SCARB1: variants seen among roughly 807,000 people sequenced by gnomAD.
SCARB1 encodes CD36 and LIMPII analogous 1.
SCARB1 carries 30 observed loss-of-function variants against 57.2 expected under a neutral mutation model. The observed-to-expected ratio is 0.52, with a 90% CI of 0.39 to 0.71. The LOEUF (loss-of-function observed/expected upper bound fraction) is 0.71, where lower values mean the gene tolerates loss of function less well. Among genes scored for constraint, SCARB1 ranks in the 30% least tolerant of loss-of-function variants. SCARB1 has a pLI of 0.00. For missense variants in SCARB1, 543 were observed against 671.2 expected (o/e 0.81, Z 2.11); for synonymous variants, 249 against 268.3 (o/e 0.93, Z 0.70).
intron 1 of SCARB1, among the ~76,000 whole-genome samples, chr12:124,825,408 C>T (rs991507956): frequency 6.6e-6 from 1 of 152,100 alleles, no homozygotes; most frequent in Non-Finnish European, 1.5e-5. Context: ...CGGGGGCTCA[C>T]GCCTGTGATC....
chr12:124,816,730 G>A (rs2135687189), intron 2 of SCARB1, among the ~76,000 whole-genome samples: 1 of 152,204 alleles, frequency 6.6e-6, no homozygotes, highest in South Asian at 2.1e-4. Flanking sequence ...GTTGTAACAG[G>A]CACATCCGCC....
At chr12:124,851,365 C>T (rs1952392638) in intron 1 of SCARB1, among the ~76,000 whole-genome samples, 1 of 152,120 alleles carries the variant, frequency 6.6e-6, no homozygotes, top group East Asian at 1.9e-4. Flanking sequence ...GGAAGAACAG[C>T]AGGGTCACAA....
chr12:124,838,515 T>C (rs1240220855), intron 1 of SCARB1, among the ~76,000 whole-genome samples: 2 of 152,062 alleles, frequency 1.3e-5, no homozygotes, highest in African/African-American at 4.8e-5. Context: ...CAAGGTCTTG[T>C]AAAATAGGGC....
intron 1 of SCARB1, among the ~76,000 whole-genome samples, chr12:124,831,015 A>G (rs7485628): frequency 0.63 from 91,100 of 143,742 alleles, 28,619 homozygotes; most frequent in African/African-American, 0.77. Context: ...TTGCTCTGTC[A>G]CCCAGGCTGG....
At chr12:124,829,682 C>G (rs1951309466) in intron 1 of SCARB1, among the ~76,000 whole-genome samples, 1 of 152,212 alleles carries the variant, frequency 6.6e-6, no homozygotes, top group Non-Finnish European at 1.5e-5. Context: ...CAAAAGTGAG[C>G]CCCTCACTTC....
At chr12:124,856,699 G>T (rs1952644836) in intron 1 of SCARB1, among the ~76,000 whole-genome samples, 1 of 152,210 alleles carries the variant, frequency 6.6e-6, no homozygotes, top group South Asian at 2.1e-4. Context: ...CAAACAAGGG[G>T]GTCCTACAGG....
intron 1 of SCARB1, among the ~76,000 whole-genome samples, chr12:124,838,773 G>A (rs1285445636): frequency 3.9e-5 from 4 of 102,242 alleles, no homozygotes; most frequent in African/African-American, 1.2e-4. Flanking sequence ...TACCAACTTA[G>A]CCTTTTTTTT....
intron 1 of SCARB1, among the ~76,000 whole-genome samples, chr12:124,838,285 T>G (rs527627623): frequency 1.3e-5 from 2 of 152,308 alleles, no homozygotes; most frequent in African/African-American, 4.8e-5. Flanking sequence ...TGGCCTCGGC[T>G]CAGTCAGCCC....
intron 1 of SCARB1, among the ~76,000 whole-genome samples, chr12:124,833,512 T>C (rs1262054079): frequency 6.6e-6 from 1 of 152,084 alleles, no homozygotes; most frequent in Non-Finnish European, 1.5e-5. Context: ...TAATCACGCC[T>C]ACAAAGCCAC....
intron 1 of SCARB1, 83 bp downstream of exon 1, chr12:124,863,512 A>T (rs1952987211): frequency 4.1e-6 from 6 of 1,473,436 alleles, no homozygotes; most frequent in Non-Finnish European, 4.6e-6. Context: ...TCGCCCACCC[A>T]CCGCAACGCG....
chr12:124,799,051 A>G lies in SCARB1; in HGVS notation c.1128+1073T>C, dbSNP rs554884266. Reference sequence around the variant, plus strand: ...CAGTGACTAGAGTGAATAGCAATGTATTGTAAGCTTGAAAGTTGCTGACAG... The same window carrying G: ...CAGTGACTAGAGTGAATAGCAATGTGTTGTAAGCTTGAAAGTTGCTGACAG... On this transcript the variant is annotated intron_variant, in intron 8 of 12. Transcript: ENST00000261693. 6.2e-4 allele frequency among the ~76,000 whole-genome samples: 95 copies of G among 152,302 alleles called. 1 individual carries two copies. The highest frequency in any genetic ancestry group is 2.2e-3 in the African/African-American group (92 of 41,568).
rs538272420 is a variant in SCARB1 at position 124,863,380 on chromosome 12, T to A, written c.126+215A>T. Among the ~76,000 whole-genome samples the A allele has an allele frequency of 1.2e-4, 18 of 151,448 alleles. No individual in the cohort carries two copies. In the South Asian group the frequency reaches 3.6e-3, roughly 31 times the overall value. On this transcript the variant is annotated intron_variant, in intron 1 of 12. Coordinates refer to ENST00000261693, the MANE Select transcript of SCARB1 (RefSeq NM_005505.5). Reference sequence around the variant, plus strand: ...CTGCGCCTCCAGCAAAGCCCCTGGGTTCCCCCCTAGCCTCAGTCTGGGGCG... The same window carrying A: ...CTGCGCCTCCAGCAAAGCCCCTGGGATCCCCCCTAGCCTCAGTCTGGGGCG...
chr12:124,827,002 T>A (rs1307584337), intron 1 of SCARB1, among the ~76,000 whole-genome samples: 1 of 152,200 alleles, frequency 6.6e-6, no homozygotes, highest in African/African-American at 2.4e-5. Flanking sequence ...ATTGTGAACA[T>A]GTTATTTCTT....
rs925483525 is a variant in SCARB1, at chr12:124,778,337, C to T, written c.*250G>A. On this transcript the variant is annotated 3_prime_UTR_variant, in exon 13 of 13. Coordinates refer to ENST00000261693, the MANE Select transcript of SCARB1 (RefSeq NM_005505.5). ...AAGGTTCCAGAACAGTGCTTGTTGA[C>T]GAGCCTCTCCCTACAAGTCCCTTCA... is the stretch of plus-strand genomic sequence containing the variant. 4.5e-5 allele frequency: 43 copies of T among 950,572 alleles called. No individual in the cohort carries two copies. The highest frequency in any genetic ancestry group is 2.9e-4 in the Middle Eastern group (1 of 3,414). 58.9% of individuals were successfully genotyped at this position (950,572 alleles called of 1,614,324 possible).
At chr12:124,781,442 C>T (rs1873450648) in intron 12 of SCARB1, among the ~76,000 whole-genome samples, 1 of 152,176 alleles carries the variant, frequency 6.6e-6, no homozygotes, top group African/African-American at 2.4e-5. Flanking sequence ...AGCGACTCAT[C>T]CCTGCCCAAC....
In SCARB1 at chr12:124,817,711, C is replaced by T. The variant is rs372024707; in HGVS notation, c.127-4G>A. 43 of 1,613,998 alleles carry T rather than the reference C, an allele frequency of 2.7e-5. No homozygotes were observed. In the African/African-American group the frequency reaches 4.8e-4, roughly 18 times the overall value. On this transcript the variant is annotated splice_region_variant and splice_polypyrimidine_tract_variant and intron_variant, in intron 1 of 12. Transcript: ENST00000261693. This position sits in a 1 kb window ranked among gnomAD's most constrained non-coding sequence, Gnocchi z 4.8. ...TACTGGGGTCGATGCGCACGTTCTG[C>T]AGGGGAAGGGACAAGTACGCTTGTG... is the stretch of plus-strand genomic sequence containing the variant.
chr12:124,828,524 G>C (rs984339616), intron 1 of SCARB1, among the ~76,000 whole-genome samples: 6 of 152,320 alleles, frequency 3.9e-5, no homozygotes, highest in African/African-American at 1.4e-4. Context: ...GAATCGTCTG[G>C]ACGATCTGCC....
chr12:124,855,345 G>C (rs926314312), intron 1 of SCARB1, among the ~76,000 whole-genome samples: 2 of 152,224 alleles, frequency 1.3e-5, no homozygotes, highest in Non-Finnish European at 2.9e-5. Flanking sequence ...GACCTGGGGA[G>C]CTTCTGAGCA....
intron 12 of SCARB1, among the ~76,000 whole-genome samples, chr12:124,779,096 C>T (rs1030862460): frequency 6.6e-6 from 1 of 152,042 alleles, no homozygotes; most frequent in East Asian, 1.9e-4. Flanking sequence ...GACAATGACA[C>T]GTGCCACCAC....
Sources: allele counts gnomAD v4.1 joint callset (sites outside exome capture counted in the v4.1 genomes callset), GRCh38; gene constraint gnomAD v4.1.1; non-coding constraint Gnocchi (gnomAD v3.1); transcripts MANE v1.5; gene names NCBI Gene and HGNC (gene_info 2026-07-23, HGNC 2026-07-21).